Variants in RGS9 observed in about 807,000 individuals in gnomAD.
The protein encoded by RGS9 is regulator of G-protein signalling 9.
Under a neutral mutation model 102.0 loss-of-function variants are expected in RGS9, and 78 were observed. That is an observed-to-expected ratio of 0.76 (90% CI 0.64 to 0.92). RGS9 has a LOEUF of 0.92. Among genes scored for constraint, RGS9 ranks in the 40% least tolerant of loss-of-function variants. The probability of loss-of-function intolerance (pLI) is 0.00; values close to 1 mark genes in which losing one functional copy is unlikely to be tolerated. For synonymous variants in RGS9, 353 were observed against 318.6 expected (o/e 1.11, Z -1.15); for missense variants, 833 against 866.1 (o/e 0.96, Z 0.48).
intron 14 of RGS9, among the ~76,000 whole-genome samples, chr17:65,202,452 AG>A (rs1912894833): frequency 7.2e-6 from 1 of 138,466 alleles, no homozygotes; most frequent in South Asian, 2.1e-4. Context: ...TGTGAGAGAG[AG>A]AGAGAGAGAG....
At chr17:65,166,238 A>G (rs959604058) in intron 7 of RGS9, among the ~76,000 whole-genome samples, 3 of 152,184 alleles carry the variant, frequency 2.0e-5, no homozygotes, top group Admixed American at 1.3e-4. Flanking sequence ...GTTGGTAGAA[A>G]CCATCACAAA....
chr17:65,173,367 C>T lies in RGS9; in HGVS notation c.583-4365C>T, dbSNP rs377260645. 3.7e-4 allele frequency among the ~76,000 whole-genome samples: 56 copies of T among 151,422 alleles called. No homozygotes were observed. The South Asian group carries it at 0.012, about 31-fold the overall frequency. On this transcript the variant is annotated intron_variant, in intron 8 of 18. Coordinates refer to ENST00000262406, the MANE Select transcript of RGS9 (RefSeq NM_003835.4). This position sits in a 1 kb window ranked among gnomAD's most constrained non-coding sequence, Gnocchi z 4.8. ...TGAGAGAAGGAGGGGCAGGGGGACACGGTGGAGTACCACCGAGAAGTGTCC... is the reference window on the plus strand; with the variant it reads ...TGAGAGAAGGAGGGGCAGGGGGACATGGTGGAGTACCACCGAGAAGTGTCC...
intron 2 of RGS9, among the ~76,000 whole-genome samples, chr17:65,155,868 G>C (rs533309972): frequency 6.6e-6 from 1 of 152,306 alleles, no homozygotes; most frequent in South Asian, 2.1e-4. Flanking sequence ...TCACAATAAA[G>C]TTAAGGGTAG....
intron 11 of RGS9, 84 bp downstream of exon 11, chr17:65,190,320 G>C: frequency 9.3e-7 from 1 of 1,070,458 alleles, no homozygotes; most frequent in East Asian, 2.4e-5. Flanking sequence ...ACAAGTCCTG[G>C]GCTGACAGAC....
At chr17:65,158,458 C>A in intron 3 of RGS9, 113 bp downstream of exon 3, 1 of 980,522 alleles carries the variant, frequency 1.0e-6, no homozygotes, top group Non-Finnish European at 1.6e-6. Context: ...TTTAATTGGA[C>A]AGACATGACC....
At position 65,210,555 on chromosome 17, in the gene RGS9, G is replaced by A; in HGVS notation, c.1357G>A (p.Glu453Lys). 3 of 1,614,072 alleles carry A rather than the reference G, an allele frequency of 1.9e-6. No individual in the cohort carries two copies. The highest frequency in any genetic ancestry group is 2.5e-6 in the Non-Finnish European group (3 of 1,180,032). Residue 453 changes from glutamate to lysine, a missense_variant, in exon 17 of 19, where the codon GAA (glutamate) becomes AAA (lysine). Transcript: ENST00000262406. ...SPSPVILRQLEEEAKAREAAN... is the reference protein window; with the variant it reads ...SPSPVILRQLKEEAKAREAAN... ...AAGCCCTGTCATCCTGAGACAGCTG[G>A]AAGAGGAAGCCAAGGCCCGAGAAGC...
chr17:65,152,249 C>G (rs1910606650), intron 1 of RGS9, among the ~76,000 whole-genome samples: 2 of 152,288 alleles, frequency 1.3e-5, no homozygotes, highest in Admixed American at 1.3e-4. Flanking sequence ...CCGCCCAAGG[C>G]TGGCTGGGAG....
intron 15 of RGS9, among the ~76,000 whole-genome samples, chr17:65,205,870 T>C (rs1382058916): frequency 6.6e-6 from 1 of 151,998 alleles, no homozygotes; most frequent in East Asian, 1.9e-4. Context: ...GATTATGTGG[T>C]ATCAGTTATG....
intron 9 of RGS9, among the ~76,000 whole-genome samples, chr17:65,183,533 G>C (rs1490747227): frequency 6.6e-6 from 1 of 152,168 alleles, no homozygotes; most frequent in African/African-American, 2.4e-5. Flanking sequence ...CTGGGCTCAA[G>C]CGATCCACCT....
At chr17:65,196,462 T>G (rs1912589313) in intron 12 of RGS9, among the ~76,000 whole-genome samples, 1 of 152,198 alleles carries the variant, frequency 6.6e-6, no homozygotes, top group Non-Finnish European at 1.5e-5. Context: ...TTTTTCTGAT[T>G]CTCTGGAATG....
intron 3 of RGS9, among the ~76,000 whole-genome samples, chr17:65,159,343 A>T (rs537930093): frequency 1.3e-5 from 2 of 152,316 alleles, no homozygotes; most frequent in East Asian, 3.9e-4. Flanking sequence ...CACGGACACG[A>T]GTGAAAGGCA....
intron 17 of RGS9, among the ~76,000 whole-genome samples, chr17:65,210,963 T>C (rs116110261): frequency 0.011 from 1,700 of 152,010 alleles, 30 homozygotes; most frequent in African/African-American, 0.04. Context: ...ATGAACTTTT[T>C]CAGTAAGAGC....
intron 2 of RGS9, 120 bp from the exon 3 acceptor site, chr17:65,158,175 T>A: frequency 1.1e-6 from 1 of 925,370 alleles, no homozygotes; most frequent in Middle Eastern, 2.8e-4. Context: ...CTGAAGGTTC[T>A]GAGCGAAGAG....
intron 17 of RGS9, among the ~76,000 whole-genome samples, chr17:65,218,709 T>C (rs2144123963): frequency 6.6e-6 from 1 of 152,362 alleles, no homozygotes; most frequent in Non-Finnish European, 1.5e-5. Flanking sequence ...GCTCACTCTC[T>C]TGCTTCTTGT....
Position 65,160,570 on chromosome 17 carries a change from C to A in RGS9, c.347C>A (p.Ala116Asp). ...TTCTGGCCCACCCAGCAGTGGCCAGCTGAAGATACCGATTACGGTAAATAC... is the reference window on the plus strand; with the variant it reads ...TTCTGGCCCACCCAGCAGTGGCCAGATGAAGATACCGATTACGGTAAATAC... The part of the protein sequence containing the change: ...PYFWPTQQWP[A>D]EDTDYAIYLA... The change falls in exon 5 of 19, where the codon GCT becomes GAT. Residue 116 changes from alanine to aspartate, a missense_variant. Transcript: ENST00000262406. 1 of 1,614,218 alleles carries A rather than the reference C, an allele frequency of 6.2e-7. No homozygotes were observed. The highest frequency in any genetic ancestry group is 8.5e-7 in the Non-Finnish European group (1 of 1,180,024).
intron 1 of RGS9, among the ~76,000 whole-genome samples, chr17:65,152,248 G>C (rs1031764707): frequency 9.9e-5 from 15 of 152,190 alleles, no homozygotes; most frequent in Non-Finnish European, 1.2e-4. Flanking sequence ...CCCGCCCAAG[G>C]CTGGCTGGGA....
chr17:65,207,294 C>T (rs1276565080), intron 15 of RGS9, among the ~76,000 whole-genome samples: 1 of 152,198 alleles, frequency 6.6e-6, no homozygotes, highest in Non-Finnish European at 1.5e-5. Context: ...ATGCTGGCTT[C>T]ACTGAACCAC....
chr17:65,163,885 C>T (rs148106568), intron 7 of RGS9, among the ~76,000 whole-genome samples: 23 of 152,092 alleles, frequency 1.5e-4, no homozygotes, highest in Non-Finnish European at 1.6e-4. Context: ...AAGAGTGGAT[C>T]GTGAGAGGGC....
At chr17:65,221,744 G>T (rs1358933970) in intron 17 of RGS9, among the ~76,000 whole-genome samples, 1 of 152,200 alleles carries the variant, frequency 6.6e-6, no homozygotes, top group South Asian at 2.1e-4. Flanking sequence ...CAGATTCGGG[G>T]TCTGGTGGAG....
Sources: gnomAD v4.1 joint callset for allele counts (sites outside exome capture counted in the v4.1 genomes callset) on GRCh38, gnomAD v4.1.1 for gene constraint, Gnocchi (gnomAD v3.1) non-coding constraint, MANE v1.5 for transcripts, NCBI Gene and HGNC (gene_info 2026-07-23, HGNC 2026-07-21) for gene names.